The following EML1 variants were observed in gnomAD, a reference collection of about 807,000 sequenced individuals.
EML1 encodes the protein EMAP like 1, also known as echinoderm microtubule-associated protein-like 1.
A neutral mutation model predicts 110.4 loss-of-function variants in EML1; 27 were observed. The ratio of observed to expected loss-of-function variants is 0.24; its 90% CI spans 0.18 to 0.34. EML1 has a LOEUF of 0.34. Ranked by LOEUF, EML1 falls within the 10% of genes least tolerant of loss-of-function variation. The pLI is 1.00. For missense variants in EML1, 741 were observed against 1,030.9 expected, an observed-to-expected ratio of 0.72 and a Z score of 3.85; for synonymous variants, 344 against 385.8, an observed-to-expected ratio of 0.89 and a Z score of 1.27.
At chr14:99,850,070 C>T (rs2058768930) in intron 1 of EML1, 5 of 354,256 alleles carry the variant, frequency 1.4e-5, no homozygotes, top group East Asian at 7.5e-5. Context: ...GCTGGTACTA[C>T]AGGCACATAC....
intron 1 of EML1, among the ~76,000 whole-genome samples, chr14:99,745,258 G>A (rs1473785285): frequency 1.3e-5 from 2 of 152,138 alleles, no homozygotes; most frequent in Non-Finnish European, 2.9e-5. Flanking sequence ...TAGAGACGAG[G>A]TTTCACCATG....
In EML1 at chr14:99,781,980, T is replaced by G. The variant is rs2057544850; in HGVS notation, c.-27+7967T>G. ...GGTCCCAAACCCAAGCAACAAATACTTTCCAAATATGCCTTGCAGGGCAAG... is the reference window on the plus strand; with the variant it reads ...GGTCCCAAACCCAAGCAACAAATACGTTCCAAATATGCCTTGCAGGGCAAG... On this transcript the variant is annotated intron_variant, in intron 1 of 22. Coordinates refer to the EML1 transcript ENST00000327921. This position sits in a 1 kb window ranked among gnomAD's most constrained non-coding sequence, Gnocchi z 4.2. 1.3e-5 allele frequency among the ~76,000 whole-genome samples: 2 copies of G among 152,156 alleles called. No homozygotes were observed. Among genetic ancestry groups the G allele is most frequent in the African/African-American group, 4.8e-5 (2 of 41,438 alleles).
intron 9 of EML1, among the ~76,000 whole-genome samples, chr14:99,902,057 T>C (rs1182614059): frequency 6.6e-6 from 1 of 152,154 alleles, no homozygotes; most frequent in Non-Finnish European, 1.5e-5. Context: ...GGGTCTCTTG[T>C]ATTTGGGGTA....
intron 13 of EML1, 130 bp downstream of exon 13, chr14:99,911,706 G>A: frequency 9.8e-7 from 1 of 1,015,692 alleles, no homozygotes; most frequent in Non-Finnish European, 1.4e-6. Context: ...TGGGAGCAAT[G>A]TATTTTATTA....
intron 8 of EML1, among the ~76,000 whole-genome samples, chr14:99,898,863 A>T (rs1204726902): frequency 6.6e-6 from 1 of 152,202 alleles, no homozygotes; most frequent in Non-Finnish European, 1.5e-5. Flanking sequence ...GCTAATTCTT[A>T]AAATGTTTAT....
chr14:99,845,630 CA>C lies in EML1; in HGVS notation c.68-5221del, dbSNP rs1371323539. Among the ~76,000 whole-genome samples, 8 of 152,178 alleles carry C rather than the reference CA, an allele frequency of 5.3e-5. 1 individual carries two copies. The South Asian group carries it at 1.5e-3, about 28-fold the overall frequency. ...AGACATAGTTTTAAAAAGACTTACA[CA>C]ATATTTTTTTTGTAAGAGCTTAGCG... On this transcript the variant is annotated intron_variant, in intron 1 of 21. Coordinates refer to ENST00000262233, the MANE Select transcript of EML1 (RefSeq NM_004434.3).
intron 1 of EML1, among the ~76,000 whole-genome samples, chr14:99,799,683 A>G (rs1247104246): frequency 1.3e-5 from 2 of 152,358 alleles, no homozygotes; most frequent in South Asian, 2.1e-4. Flanking sequence ...GGTGGAAAAA[A>G]ATCACAAAAC....
At chr14:99,832,401 TG>T (rs2058472164) in intron 1 of EML1, among the ~76,000 whole-genome samples, 2 of 152,200 alleles carry the variant, frequency 1.3e-5, no homozygotes, top group Admixed American at 1.3e-4. Flanking sequence ...GGGAAATACT[TG>T]GGCATGGAAT....
rs147736495 is a variant in EML1 at position 99,804,237 on chromosome 14, G to A, written c.67+10694G>A. 5.9e-5 allele frequency among the ~76,000 whole-genome samples: 9 copies of A among 152,204 alleles called. No individual in the cohort carries two copies. In the East Asian group the frequency reaches 1.5e-3, roughly 26 times the overall value. ...TGTACTTAATTATATCTTACGCCAC[G>A]GAGTTATTTCCCAGCCAGAGCTTGT... On this transcript the variant is annotated intron_variant, in intron 1 of 21. Transcript: ENST00000262233.
At chr14:99,807,294 A>G (rs575328667) in intron 1 of EML1, among the ~76,000 whole-genome samples, 31 of 152,320 alleles carry the variant, frequency 2.0e-4, no homozygotes, top group African/African-American at 6.0e-4. Context: ...CTGCTGTTCA[A>G]TGAAATGACT....
chr14:99,907,781 G>C, intron 10 of EML1, 48 bp downstream of exon 10: 1 of 1,587,592 alleles, frequency 6.3e-7, no homozygotes, highest in Non-Finnish European at 8.6e-7. Context: ...TTCCCATTCA[G>C]AGCCGCCCTG....
At chr14:99,908,123 G>C (rs2059886272) in intron 10 of EML1, among the ~76,000 whole-genome samples, 1 of 152,224 alleles carries the variant, frequency 6.6e-6, no homozygotes, top group African/African-American at 2.4e-5. Context: ...CTGAGCCCCT[G>C]CAGCCGCAGG....
intron 1 of EML1, among the ~76,000 whole-genome samples, chr14:99,834,814 T>C (rs988543809): frequency 8.2e-4 from 125 of 152,128 alleles, no homozygotes; most frequent in Non-Finnish European, 1.6e-4. Flanking sequence ...TGGAAAGATT[T>C]TGTTTTTGTT....
At chr14:99,865,407 C>G in intron 2 of EML1, 107 bp from the exon 3 acceptor site, 4 of 1,425,618 alleles carry the variant, frequency 2.8e-6, no homozygotes, top group Non-Finnish European at 3.8e-6. Context: ...CTCACCTCCT[C>G]CTGCTGTGTG....
At chr14:99,844,203 A>G (rs2058672991) in intron 1 of EML1, among the ~76,000 whole-genome samples, 1 of 152,182 alleles carries the variant, frequency 6.6e-6, no homozygotes, top group Non-Finnish European at 1.5e-5. Flanking sequence ...AAACCAGGCC[A>G]GGCGCAGTGG....
intron 1 of EML1, among the ~76,000 whole-genome samples, chr14:99,786,153 T>C (rs1393738331): frequency 6.6e-6 from 1 of 151,074 alleles, no homozygotes; most frequent in Non-Finnish European, 1.5e-5. Flanking sequence ...GCCACCCAGG[T>C]GAAAGTGCTC....
chr14:99,939,225 C>T lies in EML1; in HGVS notation c.2220C>T (p.Thr740=), dbSNP rs78181912. ...FGVWPEGSDG[T]DINAVCRAHE... ...TGTGGCCAGAAGGCTCGGACGGAAC[C>T]GACATCAATGCCGTCTGTCGGGCCC... Residue 740 remains threonine (T), a synonymous_variant, in exon 21 of 22, where the codon ACC becomes ACT. Coordinates refer to ENST00000262233, the MANE Select transcript of EML1 (RefSeq NM_004434.3). This position sits in a 1 kb window ranked among gnomAD's most constrained non-coding sequence, Gnocchi z 4.2. 18 of 1,614,066 alleles carry T rather than the reference C, an allele frequency of 1.1e-5. No homozygotes were observed. Among genetic ancestry groups the T allele is most frequent in the African/African-American group, 9.3e-5 (7 of 74,924 alleles).
rs1311829646 is a variant in EML1 at position 99,874,794 on chromosome 14, T to C, written c.384-3691T>C. ...TTGTGAAGGATTATATCCACGTCTA[T>C]ATTTGCGAACCAAAATGTCTTTCGA... is the stretch of plus-strand genomic sequence containing the variant. On this transcript the variant is annotated intron_variant, in intron 3 of 21. Coordinates refer to ENST00000262233, the MANE Select transcript of EML1 (RefSeq NM_004434.3). The C allele has an allele frequency of 3.4e-5, 20 of 588,856 alleles. No individual in the cohort carries two copies. In the South Asian group the frequency reaches 3.9e-4, roughly 11 times the overall value. 36.5% of individuals were successfully genotyped at this position (588,856 alleles called of 1,614,324 possible).
intron 1 of EML1, among the ~76,000 whole-genome samples, chr14:99,744,152 A>G (rs1326638750): frequency 6.6e-6 from 1 of 152,182 alleles, no homozygotes; most frequent in African/African-American, 2.4e-5. Context: ...CTTTTTTTAC[A>G]TAAGTCAGAA....
Sources: gnomAD v4.1 joint callset for allele counts (sites outside exome capture counted in the v4.1 genomes callset) on GRCh38, gnomAD v4.1.1 for gene constraint, Gnocchi (gnomAD v3.1) non-coding constraint, MANE v1.5 for transcripts, NCBI Gene and HGNC (gene_info 2026-07-23, HGNC 2026-07-21) for gene names.